The following KCND2 variants were observed in gnomAD, a reference collection of about 807,000 sequenced individuals.
The protein encoded by KCND2 is A-type voltage-gated potassium channel KCND2.
In KCND2, 16 loss-of-function variants were observed where a neutral mutation model predicts 54.4. The ratio of observed to expected loss-of-function variants is 0.29; its 90% confidence interval spans 0.20 to 0.45. The LOEUF (loss-of-function observed/expected upper bound fraction) is 0.45. Among genes scored for constraint, KCND2 ranks in the 20% least tolerant of loss-of-function variants. KCND2 has a pLI of 1.00. For synonymous variants in KCND2, 317 were observed against 310.7 expected (o/e 1.02, Z -0.21); for missense variants, 486 against 824.2 (o/e 0.59, Z 5.02).
At chr7:120,300,648 C>T (rs952488664) in intron 1 of KCND2, among the ~76,000 whole-genome samples, 5 of 151,950 alleles carry the variant, frequency 3.3e-5, no homozygotes, top group African/African-American at 4.8e-5. Flanking sequence ...AAAATATTCT[C>T]ATTAATCTAA....
chr7:120,279,851 T>A (rs11763966), intron 1 of KCND2, among the ~76,000 whole-genome samples: 19,883 of 151,832 alleles, frequency 0.13, 1,406 homozygotes, highest in African/African-American at 0.18. Flanking sequence ...AATTATATAT[T>A]ATTAAAGAGA....
At chr7:120,479,062 G>C (rs944595004) in intron 1 of KCND2, among the ~76,000 whole-genome samples, 1 of 152,036 alleles carries the variant, frequency 6.6e-6, no homozygotes, top group African/African-American at 2.4e-5. Flanking sequence ...TAAATGTATT[G>C]AAATTCATGA....
chr7:120,354,923 G>GT (rs1245979993), intron 1 of KCND2, among the ~76,000 whole-genome samples: 1 of 152,152 alleles, frequency 6.6e-6, no homozygotes, highest in African/African-American at 2.4e-5. Context: ...GTATCTAGGT[G>GT]TATGTTCAAA....
chr7:120,544,676 C>T (rs1388045363), intron 1 of KCND2, among the ~76,000 whole-genome samples: 1 of 151,918 alleles, frequency 6.6e-6, no homozygotes, highest in Non-Finnish European at 1.5e-5. Flanking sequence ...CAATCAAATT[C>T]TCATGGCATA....
intron 2 of KCND2, among the ~76,000 whole-genome samples, chr7:120,735,106 C>T (rs1033549852): frequency 2.0e-5 from 3 of 151,966 alleles, no homozygotes; most frequent in African/African-American, 7.2e-5. Flanking sequence ...TGGACAAATG[C>T]CTAGCCTTTA....
intron 1 of KCND2, among the ~76,000 whole-genome samples, chr7:120,659,149 T>C (rs1791837652): frequency 2.6e-5 from 4 of 152,126 alleles, no homozygotes; most frequent in South Asian, 2.1e-4. Context: ...ATACTACCAA[T>C]GGAGGGAAAA....
intron 1 of KCND2, among the ~76,000 whole-genome samples, chr7:120,577,698 G>A (rs1434966327): frequency 5.3e-5 from 8 of 152,116 alleles, no homozygotes; most frequent in Non-Finnish European, 4.4e-5. Flanking sequence ...CAATTCTCCT[G>A]CCTCAGCCTC....
intron 1 of KCND2, among the ~76,000 whole-genome samples, chr7:120,706,229 C>G (rs150150576): frequency 6.6e-6 from 1 of 152,116 alleles, no homozygotes; most frequent in Non-Finnish European, 1.5e-5. Flanking sequence ...TTTGTGAGTA[C>G]CGAAGATTAT....
At chr7:120,678,343 T>TTATTTATA (rs1554385190) in intron 1 of KCND2, among the ~76,000 whole-genome samples, 1 of 120,274 alleles carries the variant, frequency 8.3e-6, no homozygotes, top group African/African-American at 3.2e-5. Context: ...GTATGATTAT[T>TTATTTATA]TATATATATA....
intron 1 of KCND2, among the ~76,000 whole-genome samples, chr7:120,322,946 A>T (rs1426569024): frequency 6.6e-6 from 1 of 152,176 alleles, no homozygotes; most frequent in African/African-American, 2.4e-5. Context: ...GATTTATAGT[A>T]TAAAATAAAT....
At chr7:120,594,503 C>A (rs1792709457) in intron 1 of KCND2, among the ~76,000 whole-genome samples, 1 of 152,306 alleles carries the variant, frequency 6.6e-6, no homozygotes. Flanking sequence ...GACTAGAGAA[C>A]TCTCTGGAGG....
chr7:120,688,284 G>T (rs766591389), intron 1 of KCND2, among the ~76,000 whole-genome samples: 20 of 152,106 alleles, frequency 1.3e-4, no homozygotes, highest in Non-Finnish European at 2.2e-4. Flanking sequence ...CACTGTCTCT[G>T]TCAAAACCAC....
intron 1 of KCND2, among the ~76,000 whole-genome samples, chr7:120,323,946 C>T (rs1489692918): frequency 9.0e-6 from 1 of 111,328 alleles, no homozygotes; most frequent in Non-Finnish European, 1.9e-5. Flanking sequence ...TTCTCCACAT[C>T]CTCTCCAGCA....
In KCND2 at chr7:120,663,541, A is replaced by T. The variant is rs907574082; in HGVS notation, c.1116-69362A>T. Among the ~76,000 whole-genome samples, 20 of 152,306 alleles carry T rather than the reference A, an allele frequency of 1.3e-4. No individual in the cohort carries two copies. In the East Asian group the frequency reaches 3.9e-3, roughly 29 times the overall value. ...ATTATAGGATAGATATAACAATAGA[A>T]ATACAAGATATAAGGAAGAAATAAT... On this transcript the variant is annotated intron_variant, in intron 1 of 5. Transcript: ENST00000331113.
At chr7:120,489,068 A>G (rs1584798909) in intron 1 of KCND2, among the ~76,000 whole-genome samples, 1 of 152,218 alleles carries the variant, frequency 6.6e-6, no homozygotes. Context: ...TTTTTTGTGT[A>G]TGTGTTAATA....
intron 1 of KCND2, among the ~76,000 whole-genome samples, chr7:120,626,716 A>G (rs536046234): frequency 5.1e-4 from 77 of 152,326 alleles, no homozygotes; most frequent in African/African-American, 1.9e-3. Context: ...GATTCACTGC[A>G]TGACCTTGGG....
At chr7:120,450,601 AAACCCTGT>A (rs1802088522) in intron 1 of KCND2, among the ~76,000 whole-genome samples, 1 of 152,190 alleles carries the variant, frequency 6.6e-6, no homozygotes, top group South Asian at 2.1e-4. Context: ...ACACCAATGG[AAACCCTGT>A]ATTCAGCTGC....
intron 1 of KCND2, among the ~76,000 whole-genome samples, chr7:120,663,414 G>A (rs369885903): frequency 6.6e-6 from 1 of 152,102 alleles, no homozygotes; most frequent in African/African-American, 2.4e-5. Flanking sequence ...GACACCTCAT[G>A]ATAGTCTTCC....
At chr7:120,547,914 GA>G (rs1412430947) in intron 1 of KCND2, among the ~76,000 whole-genome samples, 1 of 151,928 alleles carries the variant, frequency 6.6e-6, no homozygotes, top group Non-Finnish European at 1.5e-5. Flanking sequence ...AGGATAGAAA[GA>G]AACGGCAGTA....
Sources: allele counts gnomAD v4.1 joint callset (sites outside exome capture counted in the v4.1 genomes callset), GRCh38; gene constraint gnomAD v4.1.1; transcripts MANE v1.5; gene names NCBI Gene and HGNC (gene_info 2026-07-23, HGNC 2026-07-21).